EXOC4: variants seen among roughly 807,000 people sequenced by gnomAD.
EXOC4 encodes exocyst complex component 4.
Under a neutral mutation model 107.2 loss-of-function variants are expected in EXOC4, and 71 were observed. That is an observed-to-expected ratio of 0.66 (90% CI 0.55 to 0.81). EXOC4 has a LOEUF of 0.81. EXOC4 is among the 30% of genes least tolerant of loss of function. The probability of loss-of-function intolerance (pLI) is 0.00; values close to 1 mark genes in which losing one functional copy is unlikely to be tolerated. For missense variants in EXOC4, 1,108 were observed against 1,189.6 expected (o/e 0.93, Z 1.01); for synonymous variants, 456 against 441.2 (o/e 1.03, Z -0.42).
At chr7:133,456,723 GA>G (rs942231970) in intron 7 of EXOC4, among the ~76,000 whole-genome samples, 21 of 152,178 alleles carry the variant, frequency 1.4e-4, no homozygotes, top group African/African-American at 5.1e-4. Flanking sequence ...AGCCCAGGAT[GA>G]AGGACATGAT....
intron 14 of EXOC4, among the ~76,000 whole-genome samples, chr7:133,987,723 G>C (rs2953618): frequency 0.75 from 114,548 of 152,052 alleles, 44,200 homozygotes; most frequent in East Asian, 0.91. Flanking sequence ...CTTTCCTTTC[G>C]TGCCGAGATA....
chr7:133,384,799 A>ATTTTTTT (rs1796691915), intron 7 of EXOC4, among the ~76,000 whole-genome samples: 1 of 145,928 alleles, frequency 6.9e-6, no homozygotes. Flanking sequence ...GAGTATAGCG[A>ATTTTTTT]TAGTTCTTCT....
intron 1 of EXOC4, among the ~76,000 whole-genome samples, chr7:133,258,845 C>T (rs1342427593): frequency 6.6e-6 from 1 of 152,058 alleles, no homozygotes; most frequent in Non-Finnish European, 1.5e-5. Flanking sequence ...GATTTAAATG[C>T]ATGTATGGTT....
chr7:133,520,792 T>C (rs969242832), intron 9 of EXOC4, among the ~76,000 whole-genome samples: 8 of 152,080 alleles, frequency 5.3e-5, no homozygotes, highest in African/African-American at 1.9e-4. Flanking sequence ...TATTCTCCCT[T>C]CCTTTCTTTT....
At chr7:133,885,281 T>C (rs1179875850) in intron 11 of EXOC4, among the ~76,000 whole-genome samples, 1 of 147,210 alleles carries the variant, frequency 6.8e-6, no homozygotes, top group Non-Finnish European at 1.5e-5. Context: ...GCTGCTGCAC[T>C]CCAGCCTGGT....
At chr7:133,980,702 TG>T (rs1793960603) in intron 14 of EXOC4, among the ~76,000 whole-genome samples, 1 of 152,238 alleles carries the variant, frequency 6.6e-6, no homozygotes, top group Admixed American at 6.5e-5. Context: ...TAGAGATGAT[TG>T]CTTCTCCATG....
At position 133,434,479 on chromosome 7, in the gene EXOC4, TTC is replaced by T. The variant is rs557698897; in HGVS notation, c.1183-40845_1183-40844del. Among the ~76,000 whole-genome samples the T allele has an allele frequency of 1.8e-3, 267 of 152,334 alleles. 1 individual carries two copies. The highest frequency in any genetic ancestry group is 0.016 in the South Asian group (78 of 4,830). On this transcript the variant is annotated intron_variant, in intron 7 of 17. Coordinates refer to ENST00000253861, the MANE Select transcript of EXOC4 (RefSeq NM_021807.4). ...CCCCCCTCTGGCATTAATGGTATAT[TTC>T]TCTTTCTGTTACTACAAACTTCAAA...
At chr7:133,362,696 G>A (rs1796161292) in intron 6 of EXOC4, among the ~76,000 whole-genome samples, 1 of 152,112 alleles carries the variant, frequency 6.6e-6, no homozygotes, top group South Asian at 2.1e-4. Flanking sequence ...CAGGCCTCAA[G>A]GATAGTTTTA....
chr7:133,484,170 A>T, intron 9 of EXOC4: 16 of 1,593,152 alleles, frequency 1.0e-5, no homozygotes, highest in Non-Finnish European at 1.4e-5. Flanking sequence ...GTCTAACAAC[A>T]CCCAAGAGGA....
At chr7:133,638,097 AAG>A (rs1333152261) in intron 10 of EXOC4, among the ~76,000 whole-genome samples, 2 of 152,152 alleles carry the variant, frequency 1.3e-5, no homozygotes, top group African/African-American at 4.8e-5. Flanking sequence ...TACATATATA[AAG>A]AGATCACTTT....
chr7:134,049,164 G>T (rs2346449), intron 17 of EXOC4, among the ~76,000 whole-genome samples: 111,321 of 152,116 alleles, frequency 0.73, 41,634 homozygotes, highest in East Asian at 0.91. Flanking sequence ...AATAAAACAT[G>T]TAACCTTTTT....
Position 133,357,093 on chromosome 7 carries a change from T to C in EXOC4, c.1007+520T>C, listed in dbSNP as rs543494297. Among the ~76,000 whole-genome samples the C allele has an allele frequency of 9.9e-5, 15 of 152,158 alleles. No homozygotes were observed. The South Asian group carries it at 2.7e-3, about 27-fold the overall frequency. The stretch of plus-strand genomic sequence containing the variant: ...TTGTTGAAAAATTCAAAGCATATTG[T>C]CACTCAATGAAAAATATGGACATAT... On this transcript the variant is annotated intron_variant, in intron 6 of 17. Transcript: ENST00000253861.
intron 11 of EXOC4, among the ~76,000 whole-genome samples, chr7:133,889,006 A>G (rs147266035): frequency 2.0e-5 from 3 of 152,382 alleles, no homozygotes; most frequent in Non-Finnish European, 4.4e-5. Context: ...GTCTCAAGTG[A>G]GATAACATAT....
chr7:134,001,402 A>G (rs917211747), intron 15 of EXOC4, among the ~76,000 whole-genome samples: 8 of 152,204 alleles, frequency 5.3e-5, no homozygotes, highest in African/African-American at 1.7e-4. Flanking sequence ...GTCAGCAACA[A>G]CAGGCCAGAA....
chr7:133,901,305 G>A (rs1799446614), intron 12 of EXOC4, among the ~76,000 whole-genome samples: 1 of 151,786 alleles, frequency 6.6e-6, no homozygotes, highest in East Asian at 1.9e-4. Flanking sequence ...TTTTTTTTAT[G>A]CATGTCATTG....
intron 9 of EXOC4, among the ~76,000 whole-genome samples, chr7:133,532,786 A>T (rs886233823): frequency 6.6e-6 from 1 of 152,110 alleles, no homozygotes; most frequent in African/African-American, 2.4e-5. Context: ...CAATTCAGAT[A>T]ATTTTAGAAA....
At chr7:133,970,408 G>T (rs1262915307) in intron 14 of EXOC4, among the ~76,000 whole-genome samples, 1 of 151,936 alleles carries the variant, frequency 6.6e-6, no homozygotes, top group Non-Finnish European at 1.5e-5. Flanking sequence ...AAAAAATCCT[G>T]TAGCTAGCTC....
rs535434041 is a variant in EXOC4 at position 133,750,980 on chromosome 7, G to A, written c.1515-66345G>A. 2.2e-3 allele frequency among the ~76,000 whole-genome samples: 341 copies of A among 152,310 alleles called. 3 individuals carry two copies. The highest frequency in any genetic ancestry group is 0.01 in the Middle Eastern group (3 of 294). ...CACACCACTTGGACAGACGTTGTTTGTATTTCACGCCCACACAAGTGTGTT... is the reference window on the plus strand; with the variant it reads ...CACACCACTTGGACAGACGTTGTTTATATTTCACGCCCACACAAGTGTGTT... On this transcript the variant is annotated intron_variant, in intron 10 of 17. Coordinates refer to ENST00000253861, the MANE Select transcript of EXOC4 (RefSeq NM_021807.4).
chr7:133,810,086 A>T (rs1266706226), intron 10 of EXOC4, among the ~76,000 whole-genome samples: 2 of 120,180 alleles, frequency 1.7e-5, no homozygotes, highest in African/African-American at 3.5e-5. Context: ...CTGGCCGTCG[A>T]ATTTTAAAAG....
Sources: allele counts gnomAD v4.1 joint callset (sites outside exome capture counted in the v4.1 genomes callset), GRCh38; gene constraint gnomAD v4.1.1; transcripts MANE v1.5; gene names NCBI Gene and HGNC (gene_info 2026-07-23, HGNC 2026-07-21).